The following CTNNA3 variants were observed in gnomAD, a reference collection of about 807,000 sequenced individuals.
CTNNA3 encodes catenin alpha-3.
A neutral mutation model predicts 95.7 loss-of-function variants in CTNNA3; 76 were observed. The ratio of observed to expected loss-of-function variants is 0.79; its 90% CI spans 0.66 to 0.96. The LOEUF (loss-of-function observed/expected upper bound fraction) is 0.96, where lower values mean the gene tolerates loss of function less well. CTNNA3 is among the 40% of genes least tolerant of loss of function. The probability of loss-of-function intolerance (pLI) is 0.00; values close to 1 mark genes in which losing one functional copy is unlikely to be tolerated. For synonymous variants in CTNNA3, 431 were observed against 374.4 expected (o/e 1.15, Z -1.74); for missense variants, 1,191 against 1,089.8 (o/e 1.09, Z -1.31).
At chr10:66,701,916 T>G (rs901227110) in intron 9 of CTNNA3, among the ~76,000 whole-genome samples, 1 of 152,182 alleles carries the variant, frequency 6.6e-6, no homozygotes, top group Non-Finnish European at 1.5e-5. Flanking sequence ...AAGGCAACAT[T>G]ATATAATATT....
At chr10:67,154,399 T>C (rs982893446) in intron 7 of CTNNA3, among the ~76,000 whole-genome samples, 3 of 152,154 alleles carry the variant, frequency 2.0e-5, no homozygotes, top group Non-Finnish European at 4.4e-5. Flanking sequence ...CATCTCACAA[T>C]TCAACTTCAG....
intron 13 of CTNNA3, among the ~76,000 whole-genome samples, chr10:66,250,375 C>T (rs1197110517): frequency 6.6e-6 from 1 of 152,094 alleles, no homozygotes; most frequent in Non-Finnish European, 1.5e-5. Context: ...GACAGAGTAA[C>T]TATAATCAAT....
chr10:66,597,646 C>A (rs899721744), intron 10 of CTNNA3, among the ~76,000 whole-genome samples: 1 of 148,674 alleles, frequency 6.7e-6, no homozygotes, highest in South Asian at 2.1e-4. Context: ...TTGTCACATA[C>A]AAAGGAACCC....
chr10:67,239,091 A>G (rs1223005639), intron 5 of CTNNA3, among the ~76,000 whole-genome samples: 2 of 152,330 alleles, frequency 1.3e-5, no homozygotes, highest in African/African-American at 4.8e-5. Flanking sequence ...GAAGAGCAAA[A>G]TTAAACTATA....
intron 2 of CTNNA3, among the ~76,000 whole-genome samples, chr10:67,617,729 A>G (rs1283065463): frequency 6.6e-6 from 1 of 151,262 alleles, no homozygotes; most frequent in African/African-American, 2.4e-5. Context: ...AACAGCGTAT[A>G]AGCATTCCTT....
chr10:67,524,406 A>G (rs1372146231), intron 4 of CTNNA3, among the ~76,000 whole-genome samples: 12 of 121,676 alleles, frequency 9.9e-5, no homozygotes, highest in African/African-American at 3.7e-4. Context: ...AAAAAAAAAA[A>G]AAAAAAAAAA....
intron 9 of CTNNA3, among the ~76,000 whole-genome samples, chr10:66,692,837 C>T (rs1470481434): frequency 6.6e-6 from 1 of 152,060 alleles, no homozygotes; most frequent in Non-Finnish European, 1.5e-5. Context: ...GATTTTCAAC[C>T]CAGAATTTCA....
chr10:66,084,158 G>GAAAA (rs2080884244), intron 14 of CTNNA3, among the ~76,000 whole-genome samples: 7 of 135,304 alleles, frequency 5.2e-5, no homozygotes, highest in South Asian at 2.7e-4. Flanking sequence ...GAAAAAAAAA[G>GAAAA]AAAAAGAAAA....
At chr10:66,387,908 A>C (rs2092906129) in intron 11 of CTNNA3, among the ~76,000 whole-genome samples, 1 of 152,078 alleles carries the variant, frequency 6.6e-6, no homozygotes, top group African/African-American at 2.4e-5. Flanking sequence ...GATCACCTGG[A>C]CACAGGGTGG....
At chr10:66,057,319 G>A (rs552209318) in intron 15 of CTNNA3, among the ~76,000 whole-genome samples, 70 of 152,148 alleles carry the variant, frequency 4.6e-4, no homozygotes, top group African/African-American at 1.2e-3. Context: ...ATACAGAACC[G>A]GTCTGCCACT....
chr10:67,447,476 A>G (rs1846798130), intron 5 of CTNNA3, among the ~76,000 whole-genome samples: 1 of 152,142 alleles, frequency 6.6e-6, no homozygotes, highest in African/African-American at 2.4e-5. Context: ...TATTTCCCCA[A>G]ATACTACCAC....
At chr10:66,139,647 A>T (rs1210014713) in intron 13 of CTNNA3, among the ~76,000 whole-genome samples, 2 of 152,136 alleles carry the variant, frequency 1.3e-5, no homozygotes, top group Non-Finnish European at 2.9e-5. Context: ...AAAAATATTC[A>T]AATTATGACA....
In CTNNA3 at chr10:67,464,101, C is replaced by T. The variant is rs568333934; in HGVS notation, c.579+57741G>A. Among the ~76,000 whole-genome samples the T allele has an allele frequency of 2.6e-5, 4 of 152,266 alleles. No homozygotes were observed. The East Asian group carries it at 7.7e-4, about 29-fold the overall frequency. On this transcript the variant is annotated intron_variant, in intron 5 of 17. Transcript: ENST00000433211. ...TATTACCTAAAACAAAACATTGAAA[C>T]TCGATCCTGTTATTTAAAACATTCT...
At chr10:66,602,232 A>G (rs1010194107) in intron 10 of CTNNA3, among the ~76,000 whole-genome samples, 1 of 151,946 alleles carries the variant, frequency 6.6e-6, no homozygotes, top group Non-Finnish European at 1.5e-5. Context: ...GACATTCTCC[A>G]TTTGGTTAAA....
intron 5 of CTNNA3, among the ~76,000 whole-genome samples, chr10:67,482,316 T>G (rs1334036896): frequency 6.6e-6 from 1 of 152,182 alleles, no homozygotes; most frequent in Non-Finnish European, 1.5e-5. Flanking sequence ...GGGGATGGCA[T>G]TGAATCTATA....
At chr10:66,966,895 C>G (rs187177167) in intron 7 of CTNNA3, among the ~76,000 whole-genome samples, 1 of 152,124 alleles carries the variant, frequency 6.6e-6, no homozygotes, top group East Asian at 1.9e-4. Context: ...CCCATACTTT[C>G]CTGAATTCAT....
At chr10:67,390,455 C>T (rs995919929) in intron 5 of CTNNA3, among the ~76,000 whole-genome samples, 3 of 152,148 alleles carry the variant, frequency 2.0e-5, no homozygotes, top group Non-Finnish European at 4.4e-5. Context: ...GATGTATTCA[C>T]AGCCGAATTC....
At chr10:67,618,610 A>G (rs1021756291) in intron 2 of CTNNA3, among the ~76,000 whole-genome samples, 3 of 152,164 alleles carry the variant, frequency 2.0e-5, no homozygotes, top group Non-Finnish European at 2.9e-5. Flanking sequence ...GACGATATCC[A>G]GGAGAAAATA....
At chr10:66,938,046 T>C (rs1847806658) in intron 7 of CTNNA3, among the ~76,000 whole-genome samples, 1 of 152,196 alleles carries the variant, frequency 6.6e-6, no homozygotes, top group African/African-American at 2.4e-5. Context: ...ATAGATGTTG[T>C]TGAATTGATT....
Sources: allele counts gnomAD v4.1 joint callset (sites outside exome capture counted in the v4.1 genomes callset), GRCh38; gene constraint gnomAD v4.1.1; transcripts MANE v1.5; gene names NCBI Gene and HGNC (gene_info 2026-07-23, HGNC 2026-07-21).